The following PRKG1 variants were observed in gnomAD, a reference collection of about 807,000 sequenced individuals.
PRKG1 encodes cGMP-dependent protein kinase 1.
In PRKG1, 35 loss-of-function variants were observed where a neutral mutation model predicts 88.1. The observed-to-expected ratio is 0.40, with a 90% CI of 0.30 to 0.53. PRKG1 has a LOEUF of 0.53. PRKG1 is among the 20% of genes least tolerant of loss of function. PRKG1 has a pLI of 0.59. For missense variants in PRKG1, 540 were observed against 839.8 expected, an observed-to-expected ratio of 0.64 and a Z score of 4.41; for synonymous variants, 303 against 292.5, an observed-to-expected ratio of 1.04 and a Z score of -0.37.
chr10:52,179,396 G>T (rs1037469241), intron 9 of PRKG1, among the ~76,000 whole-genome samples: 1 of 151,842 alleles, frequency 6.6e-6, no homozygotes. Flanking sequence ...TCTACTTTTG[G>T]TACTTTGACT....
intron 3 of PRKG1, among the ~76,000 whole-genome samples, chr10:51,581,381 A>G (rs2132187275): frequency 6.6e-6 from 1 of 152,244 alleles, no homozygotes; most frequent in East Asian, 1.9e-4. Flanking sequence ...TATACCAGAA[A>G]TTCTCAGAAG....
At chr10:52,231,369 C>G (rs1450397114) in intron 9 of PRKG1, 1 of 151,856 alleles carries the variant, frequency 6.6e-6, no homozygotes, top group Non-Finnish European at 1.5e-5. Context: ...CCACTGCACT[C>G]CAGCTTGGGC....
intron 3 of PRKG1, among the ~76,000 whole-genome samples, chr10:51,583,922 TTC>T (rs1198310599): frequency 1.3e-5 from 2 of 152,062 alleles, no homozygotes; most frequent in Non-Finnish European, 2.9e-5. Flanking sequence ...TGTGAATCAA[TTC>T]TGTTGAGCTA....
chr10:51,124,807 A>G (rs1845356856), intron 1 of PRKG1, among the ~76,000 whole-genome samples: 1 of 152,164 alleles, frequency 6.6e-6, no homozygotes, highest in South Asian at 2.1e-4. Flanking sequence ...CTCTTTAGTT[A>G]CCCATCCAGT....
chr10:51,157,224 A>G (rs951359215), intron 2 of PRKG1, among the ~76,000 whole-genome samples: 4 of 151,936 alleles, frequency 2.6e-5, no homozygotes, highest in African/African-American at 7.2e-5. Flanking sequence ...TGTATTTTCA[A>G]GCAAAATGAG....
chr10:51,903,495 CTG>C (rs1397717230), intron 4 of PRKG1, among the ~76,000 whole-genome samples: 2 of 152,056 alleles, frequency 1.3e-5, no homozygotes, highest in African/African-American at 2.4e-5. Context: ...TCAAAAATAA[CTG>C]TATATCCGTT....
intron 2 of PRKG1, among the ~76,000 whole-genome samples, chr10:51,403,748 G>C (rs1007261755): frequency 5.3e-5 from 8 of 152,102 alleles, no homozygotes; most frequent in Admixed American, 4.6e-4. Context: ...CAGGAAAGGA[G>C]GTAGAAGTAT....
chr10:52,248,752 T>G (rs576145393), intron 9 of PRKG1, among the ~76,000 whole-genome samples: 23 of 151,558 alleles, frequency 1.5e-4, no homozygotes, highest in Non-Finnish European at 3.1e-4. Flanking sequence ...TTAAATACTA[T>G]CAGTAATTAG....
chr10:51,687,243 C>G (rs992131685), intron 3 of PRKG1, among the ~76,000 whole-genome samples: 1 of 152,280 alleles, frequency 6.6e-6, no homozygotes, highest in Non-Finnish European at 1.5e-5. Context: ...AGGTTAAAAG[C>G]ACAAATTGCA....
chr10:51,793,873 T>C (rs745563142), intron 3 of PRKG1, among the ~76,000 whole-genome samples: 23 of 152,148 alleles, frequency 1.5e-4, no homozygotes, highest in Non-Finnish European at 2.9e-4. Flanking sequence ...GCAATTCTCC[T>C]GCCTCAGCCT....
At chr10:51,389,319 G>A (rs1316017542) in intron 2 of PRKG1, among the ~76,000 whole-genome samples, 2 of 151,886 alleles carry the variant, frequency 1.3e-5, no homozygotes, top group Non-Finnish European at 2.9e-5. Flanking sequence ...CCTTATCCTG[G>A]TGCCCCATGC....
chr10:52,089,399 TCTC>T (rs1446501770), intron 7 of PRKG1, among the ~76,000 whole-genome samples: 1 of 152,270 alleles, frequency 6.6e-6, no homozygotes, highest in South Asian at 2.1e-4. Context: ...ATGAAAAAAT[TCTC>T]CTCTAAGTTA....
At chr10:51,932,847 A>G (rs555829887) in intron 5 of PRKG1, among the ~76,000 whole-genome samples, 2 of 152,258 alleles carry the variant, frequency 1.3e-5, no homozygotes, top group South Asian at 4.1e-4. Flanking sequence ...CTTCCTTTGT[A>G]CTTGGAAAGG....
chr10:52,024,374 C>T (rs1305938211), intron 5 of PRKG1, among the ~76,000 whole-genome samples: 2 of 151,216 alleles, frequency 1.3e-5, no homozygotes, highest in African/African-American at 2.4e-5. Context: ...TACATGTGCA[C>T]AACGTGCAGG....
At chr10:51,398,258 T>C (rs1255522488) in intron 2 of PRKG1, among the ~76,000 whole-genome samples, 3 of 152,144 alleles carry the variant, frequency 2.0e-5, no homozygotes, top group Admixed American at 1.3e-4. Context: ...AGATCATCAG[T>C]CATTAATTAG....
intron 2 of PRKG1, among the ~76,000 whole-genome samples, chr10:51,318,525 C>CT (rs1350895314): frequency 2.6e-5 from 4 of 152,080 alleles, no homozygotes; most frequent in Non-Finnish European, 5.9e-5. Flanking sequence ...ATGGTAAAGA[C>CT]TTTCAGTGCT....
At chr10:51,771,641 A>G (rs960656503) in intron 3 of PRKG1, among the ~76,000 whole-genome samples, 1 of 152,204 alleles carries the variant, frequency 6.6e-6, no homozygotes, top group Non-Finnish European at 1.5e-5. Context: ...TAACATCATT[A>G]AATAAATAAG....
intron 2 of PRKG1, among the ~76,000 whole-genome samples, chr10:51,418,542 A>C (rs1838311608): frequency 6.6e-6 from 1 of 152,198 alleles, no homozygotes; most frequent in African/African-American, 2.4e-5. Flanking sequence ...TGGAAGCCCA[A>C]TCTTTTGATA....
intron 4 of PRKG1, among the ~76,000 whole-genome samples, chr10:51,839,683 T>C (rs1264444416): frequency 6.6e-6 from 1 of 152,198 alleles, no homozygotes; most frequent in East Asian, 1.9e-4. Flanking sequence ...TACTAACCAA[T>C]ATTCTACAGG....
Sources: allele counts gnomAD v4.1 joint callset (sites outside exome capture counted in the v4.1 genomes callset), GRCh38; gene constraint gnomAD v4.1.1; transcripts MANE v1.5; gene names NCBI Gene and HGNC (gene_info 2026-07-23, HGNC 2026-07-21).